RETREG1: variants seen among roughly 807,000 people sequenced by gnomAD.
RETREG1 encodes reticulophagy regulator 1.
Under a neutral mutation model 54.8 loss-of-function variants are expected in RETREG1, and 44 were observed. The ratio of observed to expected loss-of-function variants is 0.80; its 90% CI spans 0.63 to 1.03. RETREG1 has a LOEUF of 1.03. Among genes scored for constraint, RETREG1 ranks in the 50% least tolerant of loss-of-function variants. The pLI is 0.00. For synonymous variants in RETREG1, 217 were observed against 238.5 expected (o/e 0.91, Z 0.83); for missense variants, 554 against 605.1 (o/e 0.92, Z 0.89).
intron 3 of RETREG1, among the ~76,000 whole-genome samples, chr5:16,522,273 G>A (rs570041840): frequency 3.9e-5 from 6 of 151,986 alleles, no homozygotes; most frequent in African/African-American, 1.2e-4. Flanking sequence ...TAGGAAGGGC[G>A]GATTCCTCCA....
chr5:16,503,650 A>G (rs56012028), intron 3 of RETREG1, among the ~76,000 whole-genome samples: 33,823 of 146,762 alleles, frequency 0.23, 4,225 homozygotes, highest in Middle Eastern at 0.31. Context: ...GCGACAGAGC[A>G]AGACTCCATC....
At chr5:16,483,612 C>A in intron 3 of RETREG1, 140 bp from the exon 4 acceptor site, 1 of 786,592 alleles carries the variant, frequency 1.3e-6, no homozygotes, top group South Asian at 1.5e-5. Flanking sequence ...AGGGAACTAT[C>A]CAGACACCTG....
chr5:16,600,776 A>G (rs910455907), intron 1 of RETREG1, among the ~76,000 whole-genome samples: 1 of 152,244 alleles, frequency 6.6e-6, no homozygotes, highest in Admixed American at 6.5e-5. Context: ...CAAAATACAC[A>G]GAAATAAGGA....
intron 4 of RETREG1, 125 bp downstream of exon 4, chr5:16,483,221 G>A: frequency 9.1e-7 from 1 of 1,102,856 alleles, no homozygotes; most frequent in Non-Finnish European, 1.4e-6. Flanking sequence ...CAGCTTTTAT[G>A]GCATATGTTC....
At chr5:16,598,911 C>T (rs557803986) in intron 1 of RETREG1, among the ~76,000 whole-genome samples, 1 of 152,314 alleles carries the variant, frequency 6.6e-6, no homozygotes, top group African/African-American at 2.4e-5. Context: ...GGTACAGTGG[C>T]TCATGCTCAC....
In RETREG1 at chr5:16,475,017, A is replaced by G. The variant is rs372629414; in HGVS notation, c.1218T>C (p.Phe406=). Residue 406 remains phenylalanine (F), a synonymous_variant, in exon 9 of 9, where the codon TTT becomes TTC. Transcript: ENST00000306320. Reference sequence around the variant, plus strand: ...CCCCAGCCAGGTTGCTCATCAGGTGAAAGGTTTGGTCACTGTTCAGAGGAA... The same window carrying G: ...CCCCAGCCAGGTTGCTCATCAGGTGGAAGGTTTGGTCACTGTTCAGAGGAA... The part of the protein sequence containing the change: ...LTLPLNSDQT[F]HLMSNLAGDV... The G allele has an allele frequency of 2.0e-5, 32 of 1,613,572 alleles. No homozygotes were observed. In the South Asian group the frequency reaches 3.2e-4, roughly 16 times the overall value.
intron 1 of RETREG1, among the ~76,000 whole-genome samples, chr5:16,608,536 C>T (rs906968545): frequency 6.6e-6 from 1 of 152,214 alleles, no homozygotes; most frequent in Non-Finnish European, 1.5e-5. Context: ...ACTTTGTCCT[C>T]AACTGTAAAG....
At chr5:16,586,745 A>C (rs1742635604) in intron 1 of RETREG1, among the ~76,000 whole-genome samples, 2 of 152,208 alleles carry the variant, frequency 1.3e-5, no homozygotes, top group African/African-American at 2.4e-5. Context: ...ACATGCACAT[A>C]CTGGTGTCTT....
intron 3 of RETREG1, among the ~76,000 whole-genome samples, chr5:16,565,029 A>C (rs906343924): frequency 6.6e-6 from 1 of 152,202 alleles, no homozygotes; most frequent in African/African-American, 2.4e-5. Context: ...ATTTTAAGGC[A>C]GAAATTTAAA....
chr5:16,535,625 AAG>A (rs1325867691), intron 3 of RETREG1, among the ~76,000 whole-genome samples: 5 of 144,612 alleles, frequency 3.5e-5, no homozygotes, highest in Admixed American at 3.4e-4. Context: ...TGCCTTCACG[AAG>A]TGGGAGCTGG....
intron 3 of RETREG1, among the ~76,000 whole-genome samples, chr5:16,547,277 TACAAATATC>T (rs1241512501): frequency 2.0e-5 from 3 of 152,146 alleles, no homozygotes; most frequent in African/African-American, 7.2e-5. Flanking sequence ...TTCATACCAT[TACAAATATC>T]ACAAGAAATT....
At chr5:16,530,910 T>C (rs991218387) in intron 3 of RETREG1, among the ~76,000 whole-genome samples, 4 of 152,206 alleles carry the variant, frequency 2.6e-5, no homozygotes, top group Non-Finnish European at 4.4e-5. Context: ...TTTTCCTTGT[T>C]GCTTTCTGCA....
chr5:16,564,350 G>C (rs913802313), intron 3 of RETREG1, among the ~76,000 whole-genome samples: 1 of 152,102 alleles, frequency 6.6e-6, no homozygotes, highest in African/African-American at 2.4e-5. Context: ...CAGCTGAGAC[G>C]TTCTCTTACA....
intron 1 of RETREG1, among the ~76,000 whole-genome samples, chr5:16,573,378 A>C (rs556005367): frequency 8.4e-4 from 128 of 152,288 alleles, no homozygotes; most frequent in African/African-American, 2.9e-3. Context: ...GAAATCACAA[A>C]GAGCGTTGAG....
intron 3 of RETREG1, among the ~76,000 whole-genome samples, chr5:16,490,619 CTA>C (rs1739206277): frequency 1.1e-5 from 1 of 91,514 alleles, no homozygotes; most frequent in Non-Finnish European, 2.6e-5. Context: ...TGTGAGTGAA[CTA>C]CTGTTTATTA....
intron 3 of RETREG1, among the ~76,000 whole-genome samples, chr5:16,486,242 A>G (rs1480012887): frequency 6.6e-6 from 1 of 152,224 alleles, no homozygotes; most frequent in Admixed American, 6.5e-5. Context: ...GATTGGGCTG[A>G]ATAAAATTTA....
chr5:16,491,894 A>G (rs1163560169), intron 3 of RETREG1, among the ~76,000 whole-genome samples: 4 of 152,142 alleles, frequency 2.6e-5, no homozygotes, highest in Admixed American at 6.5e-5. Context: ...AGAAAGAAAG[A>G]TGCTTCATAT....
intron 3 of RETREG1, among the ~76,000 whole-genome samples, chr5:16,503,738 A>G (rs1050233518): frequency 2.6e-5 from 4 of 152,086 alleles, no homozygotes; most frequent in Non-Finnish European, 5.9e-5. Context: ...TTGAATGTCT[A>G]TTATACCTTA....
intron 3 of RETREG1, among the ~76,000 whole-genome samples, chr5:16,505,095 C>T (rs1007095769): frequency 6.6e-5 from 10 of 152,176 alleles, no homozygotes; most frequent in Admixed American, 5.9e-4. Flanking sequence ...AATACAATCA[C>T]CTTCGTGCAT....
Sources: allele counts gnomAD v4.1 joint callset (sites outside exome capture counted in the v4.1 genomes callset), GRCh38; gene constraint gnomAD v4.1.1; transcripts MANE v1.5; gene names NCBI Gene and HGNC (gene_info 2026-07-23, HGNC 2026-07-21).